ZBTB7A: variants seen among roughly 807,000 people sequenced by gnomAD.
The protein encoded by ZBTB7A is zinc finger and BTB domain-containing protein 7A.
In ZBTB7A, 7 loss-of-function variants were observed where a neutral mutation model predicts 26.7. The observed-to-expected ratio is 0.26, with a 90% CI of 0.15 to 0.49. The LOEUF (loss-of-function observed/expected upper bound fraction) is 0.49, where lower values mean the gene tolerates loss of function less well. ZBTB7A is among the 20% of genes least tolerant of loss of function. The probability of loss-of-function intolerance (pLI) is 0.98; values close to 1 mark genes in which losing one functional copy is unlikely to be tolerated. For missense variants in ZBTB7A, 617 were observed against 919.5 expected (o/e 0.67, Z 4.25); for synonymous variants, 452 against 441.0 (o/e 1.02, Z -0.31).
rs200036596 is a variant in ZBTB7A at position 4,057,784 on chromosome 19, A to C, written c.-15-2537T>G. On this transcript the variant is annotated intron_variant, in intron 1 of 2. Transcript: ENST00000322357. ...GTGACAGAGCGAGACTCGTCTCCAA[A>C]AAAAAAAAAAAAAACAATAACAACA... Among the ~76,000 whole-genome samples, 71 of 150,270 alleles carry C rather than the reference A, an allele frequency of 4.7e-4. No homozygotes were observed. In the East Asian group the frequency reaches 0.013, roughly 28 times the overall value.
intron 1 of ZBTB7A, among the ~76,000 whole-genome samples, chr19:4,056,663 A>T (rs2040581570): frequency 6.6e-6 from 1 of 152,108 alleles, no homozygotes; most frequent in Admixed American, 6.6e-5. Context: ...AGGTCAGGAG[A>T]TCGAGACCAT....
chr19:4,056,150 G>A lies in ZBTB7A; in HGVS notation c.-15-903C>T, dbSNP rs184904780. ...AGCCTCAGTTTCCCCAGCTGTACAG[G>A]AAGGCAATCAGGTGTCCCACTCCCA... On this transcript the variant is annotated intron_variant, in intron 1 of 2. Coordinates refer to ENST00000322357, the MANE Select transcript of ZBTB7A (RefSeq NM_015898.4). Among the ~76,000 whole-genome samples, 560 of 152,062 alleles carry A rather than the reference G, an allele frequency of 3.7e-3. 5 individuals carry two copies. Among genetic ancestry groups the A allele is most frequent in the African/African-American group, 0.013 (525 of 41,444 alleles).
At chr19:4,066,415 T>C (rs2040696530) in intron 1 of ZBTB7A, among the ~76,000 whole-genome samples, 1 of 138,944 alleles carries the variant, frequency 7.2e-6, no homozygotes, top group Non-Finnish European at 1.6e-5. Context: ...CGAAAAGCCA[T>C]GCACCCGGGT....
chr19:4,064,065 CAG>C (rs2040665889), intron 1 of ZBTB7A, among the ~76,000 whole-genome samples: 1 of 152,252 alleles, frequency 6.6e-6, no homozygotes, highest in African/African-American at 2.4e-5. Flanking sequence ...CCTTTCCGAC[CAG>C]GCCCCAGGCT....
intron 2 of ZBTB7A, among the ~76,000 whole-genome samples, chr19:4,051,661 G>C (rs2040505385): frequency 6.6e-6 from 1 of 152,246 alleles, no homozygotes; most frequent in Non-Finnish European, 1.5e-5. Flanking sequence ...CTGGTTTACT[G>C]ATCACCTTCT....
In ZBTB7A at chr19:4,059,182, C is replaced by T. The variant is rs957324743; in HGVS notation, c.-15-3935G>A. Among the ~76,000 whole-genome samples, 59 of 152,220 alleles carry T rather than the reference C, an allele frequency of 3.9e-4. 1 individual carries two copies. Among genetic ancestry groups the T allele is most frequent in the African/African-American group, 1.2e-4 (5 of 41,456 alleles). ...CCCCAGCATGGGGGGAGACCTCTGA[C>T]CCAGGCCACCAACGCCCCAAGATGG... On this transcript the variant is annotated intron_variant, in intron 1 of 2. Coordinates refer to ENST00000322357, the MANE Select transcript of ZBTB7A (RefSeq NM_015898.4).
In ZBTB7A at chr19:4,052,167, C is replaced by T. The variant is rs1428166527; in HGVS notation, c.1262+1804G>A. Among the ~76,000 whole-genome samples, 1 of 152,122 alleles carries T rather than the reference C, an allele frequency of 6.6e-6. No individual in the cohort carries two copies. Among genetic ancestry groups the T allele is most frequent in the Non-Finnish European group, 1.5e-5 (1 of 68,008 alleles). ...TCAGCCCCGGGTCGGGTGGGATAGC[C>T]AGCAGTGCCCGAGTCAGAATGAAAC... On this transcript the variant is annotated intron_variant, in intron 2 of 2. Transcript: ENST00000322357. This position sits in a 1 kb window ranked among gnomAD's most constrained non-coding sequence, Gnocchi z 4.9.
Position 4,054,651 on chromosome 19 carries a change from G to A in ZBTB7A, c.582C>T (p.Asp194=), listed in dbSNP as rs1410611113. The A allele has an allele frequency of 1.9e-6, 3 of 1,598,256 alleles. No individual in the cohort carries two copies. The highest frequency in any genetic ancestry group is 2.6e-6 in the Non-Finnish European group (3 of 1,173,524). The change falls in exon 2 of 3, where the codon GAC becomes GAT. Residue 194 remains aspartate (D), a synonymous_variant. Coordinates refer to ENST00000322357, the MANE Select transcript of ZBTB7A (RefSeq NM_015898.4). ...CCACGGCCTCCTTGGTGGCATCCAG[G>A]TCATCATCGGACGCCCCAAAGGCGG... ...PWSAFGASDD[D]LDATKEAVAA... is the part of the protein sequence containing the mutation.
chr19:4,047,662 T>A lies in ZBTB7A; in HGVS notation c.*90A>T. Reference sequence around the variant, plus strand: ...ATATCTGTATATAGATAGATTTTCTTTTTTTGTGTTTTTGGGGGGGTGGTG... The same window carrying A: ...ATATCTGTATATAGATAGATTTTCTATTTTTGTGTTTTTGGGGGGGTGGTG... On this transcript the variant is annotated 3_prime_UTR_variant, in exon 3 of 3. Transcript: ENST00000322357. 1.4e-6 allele frequency: 2 copies of A among 1,418,026 alleles called. No individual in the cohort carries two copies. The highest frequency in any genetic ancestry group is 9.5e-7 in the Non-Finnish European group (1 of 1,058,132). 87.8% of individuals were successfully genotyped at this position (1,418,026 alleles called of 1,614,324 possible).
intron 1 of ZBTB7A, among the ~76,000 whole-genome samples, chr19:4,058,901 CG>C (rs1353565870): frequency 6.6e-6 from 1 of 152,202 alleles, no homozygotes; most frequent in East Asian, 1.9e-4. Context: ...CTTCCAGCCT[CG>C]GCCCAGGGCC....
At chr19:4,059,120 G>C (rs2040613746) in intron 1 of ZBTB7A, among the ~76,000 whole-genome samples, 1 of 152,184 alleles carries the variant, frequency 6.6e-6, no homozygotes, top group Admixed American at 6.5e-5. Flanking sequence ...TGAGCAGATG[G>C]AGCTCCGGAT....
intron 1 of ZBTB7A, among the ~76,000 whole-genome samples, chr19:4,063,155 CCT>C (rs1354033195): frequency 4.6e-5 from 7 of 152,308 alleles, no homozygotes; most frequent in African/African-American, 1.4e-4. Context: ...TCTGCCATGC[CCT>C]GAGCTGACCT....
chr19:4,063,534 G>A (rs940767169), intron 1 of ZBTB7A, among the ~76,000 whole-genome samples: 1 of 152,216 alleles, frequency 6.6e-6, no homozygotes, highest in African/African-American at 2.4e-5. Flanking sequence ...AGAGGGCTGT[G>A]GCTCGTGCTG....
chr19:4,058,033 AG>A (rs2040599854), intron 1 of ZBTB7A, among the ~76,000 whole-genome samples: 1 of 152,156 alleles, frequency 6.6e-6, no homozygotes, highest in African/African-American at 2.4e-5. Context: ...GTCAGCAGGA[AG>A]GGGTGTGGCA....
chr19:4,057,673 C>T (rs554528419), intron 1 of ZBTB7A, among the ~76,000 whole-genome samples: 1 of 149,860 alleles, frequency 6.7e-6, no homozygotes, highest in Admixed American at 6.7e-5. Context: ...CCCAGCTACT[C>T]GGGAGGCTGA....
chr19:4,047,756 G>A lies in ZBTB7A; in HGVS notation c.1751C>T (p.Ala584Val). 1 of 1,594,606 alleles carries A rather than the reference G, an allele frequency of 6.3e-7. No homozygotes were observed. The highest frequency in any genetic ancestry group is 8.5e-7 in the Non-Finnish European group (1 of 1,171,818). ...ATDGNFTAGL[A>V] ...TCTGTTTTCTCTTTTTGGTTTTTAG[G>A]CGAGTCCGGCTGTGAAGTTACCGTC... The change falls in exon 3 of 3, where the codon GCC becomes GTC. Residue 584 changes from alanine to valine, a missense_variant. This residue lies in a region of ZBTB7A where 136 missense variants were observed against 126.6 expected (regional missense o/e 1.07). Transcript: ENST00000322357.
Position 4,047,580 on chromosome 19 carries a change from C to A in ZBTB7A, c.*172G>T, listed in dbSNP as rs1419464995. 6 of 557,092 alleles carry A rather than the reference C, an allele frequency of 1.1e-5. No homozygotes were observed. Among genetic ancestry groups the A allele is most frequent in the Non-Finnish European group, 1.5e-5 (6 of 387,242 alleles). 34.5% of individuals were successfully genotyped at this position (557,092 alleles called of 1,614,324 possible). ...AGGAGGGAAATCTGAGAAAGCGCTACCCTAGATTCTGTGACGCGTCATATA... is the reference window on the plus strand; with the variant it reads ...AGGAGGGAAATCTGAGAAAGCGCTAACCTAGATTCTGTGACGCGTCATATA... On this transcript the variant is annotated 3_prime_UTR_variant, in exon 3 of 3. Coordinates refer to ENST00000322357, the MANE Select transcript of ZBTB7A (RefSeq NM_015898.4).
At chr19:4,050,759 CTT>C (rs1286540868) in intron 2 of ZBTB7A, among the ~76,000 whole-genome samples, 4 of 152,150 alleles carry the variant, frequency 2.6e-5, no homozygotes, top group African/African-American at 9.7e-5. Context: ...CACCAACTCT[CTT>C]TGACTTTTTT....
intron 1 of ZBTB7A, among the ~76,000 whole-genome samples, chr19:4,056,104 G>T (rs1333398304): frequency 2.6e-5 from 4 of 151,420 alleles, no homozygotes; most frequent in African/African-American, 9.7e-5. Flanking sequence ...GTACACAAAA[G>T]CAATCAGACG....
Sources: allele counts gnomAD v4.1 joint callset (sites outside exome capture counted in the v4.1 genomes callset), GRCh38; gene constraint gnomAD v4.1.1; regional missense constraint gnomAD v4.1.1; non-coding constraint Gnocchi (gnomAD v3.1); transcripts MANE v1.5; gene names NCBI Gene and HGNC (gene_info 2026-07-23, HGNC 2026-07-21).